The following SPATA6 variants were observed in gnomAD, a reference collection of about 807,000 sequenced individuals.
SPATA6 encodes the protein spermatogenesis associated 6.
In SPATA6, 56 loss-of-function variants were observed where a neutral mutation model predicts 65.3. The observed-to-expected ratio is 0.86, with a 90% CI of 0.69 to 1.07. The LOEUF is 1.07. Ranked by LOEUF, SPATA6 falls within the 50% of genes least tolerant of loss-of-function variation. SPATA6 has a pLI of 0.00. For missense variants in SPATA6, 590 were observed against 594.8 expected, an observed-to-expected ratio of 0.99 and a Z score of 0.08; for synonymous variants, 199 against 213.2, an observed-to-expected ratio of 0.93 and a Z score of 0.58.
At chr1:48,374,245 C>A (rs867656508) in intron 9 of SPATA6, among the ~76,000 whole-genome samples, 1 of 151,228 alleles carries the variant, frequency 6.6e-6, no homozygotes, top group African/African-American at 2.4e-5. Context: ...ACATCTATTA[C>A]AAGATTATCA....
At chr1:48,304,629 C>G (rs1645016863) in intron 12 of SPATA6, among the ~76,000 whole-genome samples, 1 of 152,172 alleles carries the variant, frequency 6.6e-6, no homozygotes, top group African/African-American at 2.4e-5. Context: ...CAGGCGTGAG[C>G]CATTGCACCT....
intron 11 of SPATA6, among the ~76,000 whole-genome samples, chr1:48,341,465 T>C (rs1398329742): frequency 6.6e-6 from 1 of 152,202 alleles, no homozygotes; most frequent in East Asian, 1.9e-4. Context: ...TGCCTATTTG[T>C]CACTAAGCAG....
intron 11 of SPATA6, among the ~76,000 whole-genome samples, chr1:48,344,005 C>T (rs937368375): frequency 2.0e-5 from 3 of 151,876 alleles, no homozygotes; most frequent in Non-Finnish European, 4.4e-5. Flanking sequence ...AAATAGAAAA[C>T]AATAGGTTTA....
chr1:48,395,450 T>A, intron 7 of SPATA6, 96 bp from the exon 8 acceptor site: 1 of 722,162 alleles, frequency 1.4e-6, no homozygotes, highest in East Asian at 3.4e-5. Context: ...ACAGAGAGCA[T>A]ATATAATCAG....
intron 11 of SPATA6, among the ~76,000 whole-genome samples, chr1:48,313,417 A>T (rs1265259196): frequency 6.6e-6 from 1 of 152,172 alleles, no homozygotes; most frequent in African/African-American, 2.4e-5. Context: ...AGAATTTTCA[A>T]CCCAGAATTT....
chr1:48,422,976 A>G (rs1304916772), intron 3 of SPATA6, among the ~76,000 whole-genome samples: 2 of 152,218 alleles, frequency 1.3e-5, no homozygotes, highest in Non-Finnish European at 2.9e-5. Context: ...AATGAATGGT[A>G]GTATACTCAT....
At chr1:48,443,754 G>A (rs915400587) in intron 3 of SPATA6, among the ~76,000 whole-genome samples, 10 of 152,152 alleles carry the variant, frequency 6.6e-5, no homozygotes, top group South Asian at 2.1e-4. Context: ...GGAGTTGGGC[G>A]ACATGACTTC....
At chr1:48,322,060 G>A (rs974265208) in intron 11 of SPATA6, among the ~76,000 whole-genome samples, 3 of 151,806 alleles carry the variant, frequency 2.0e-5, no homozygotes, top group African/African-American at 7.3e-5. Context: ...TTAAAAAGAC[G>A]ACAAGTAGGT....
At chr1:48,364,610 A>G (rs1473205958) in intron 9 of SPATA6, among the ~76,000 whole-genome samples, 7 of 152,092 alleles carry the variant, frequency 4.6e-5, no homozygotes, top group Admixed American at 1.3e-4. Context: ...CTTTTGAGAC[A>G]TGTCTGTTCA....
intron 11 of SPATA6, among the ~76,000 whole-genome samples, chr1:48,343,608 A>G (rs1283237242): frequency 6.6e-6 from 1 of 152,188 alleles, no homozygotes; most frequent in Admixed American, 6.6e-5. Context: ...TGAAAGACAC[A>G]ATATGACTTC....
chr1:48,416,024 G>A (rs1022151147), intron 3 of SPATA6, among the ~76,000 whole-genome samples: 6 of 152,048 alleles, frequency 3.9e-5, no homozygotes, highest in African/African-American at 1.2e-4. Flanking sequence ...GCAACGTGGC[G>A]AAACCCTGTC....
Position 48,451,589 on chromosome 1 carries a change from G to A in SPATA6, c.201C>T (p.Asp67=), listed in dbSNP as rs569555376. 64 of 1,612,254 alleles carry A rather than the reference G, an allele frequency of 4.0e-5. No individual in the cohort carries two copies. Among genetic ancestry groups the A allele is most frequent in the Non-Finnish European group, 4.8e-5 (57 of 1,179,216 alleles). The part of the protein sequence containing the change: ...ARMVFEKVFP[D]AVDPGDVVTQ... ...TAACCACATCTCCAGGATCTACTGC[G>A]TCCGGGAACACCTATAGTGAGACGA... The change falls in exon 3 of 13, where the codon GAC becomes GAT. Residue 67 remains aspartate, a synonymous_variant. Coordinates refer to ENST00000371847, the MANE Select transcript of SPATA6 (RefSeq NM_019073.4).
At chr1:48,311,859 C>T (rs1645221015) in intron 11 of SPATA6, among the ~76,000 whole-genome samples, 1 of 152,182 alleles carries the variant, frequency 6.6e-6, no homozygotes, top group Admixed American at 6.5e-5. Context: ...AAATTCGGGT[C>T]ACTCCCACCC....
intron 3 of SPATA6, among the ~76,000 whole-genome samples, chr1:48,447,187 A>G (rs901702059): frequency 2.0e-5 from 3 of 152,194 alleles, no homozygotes; most frequent in Non-Finnish European, 4.4e-5. Context: ...CTTCTGGTCA[A>G]GAATAGGTTA....
At chr1:48,284,047 C>T in the SPATA6 span, among the ~76,000 whole-genome samples, 1 of 152,004 alleles carries the variant, frequency 6.6e-6, no homozygotes, top group Non-Finnish European at 1.5e-5. Context: ...TCCATTCTCC[C>T]TGTCACTTTC....
chr1:48,466,800 T>C (rs1191378889), intron 1 of SPATA6, among the ~76,000 whole-genome samples: 3 of 151,968 alleles, frequency 2.0e-5, no homozygotes, highest in African/African-American at 7.2e-5. Context: ...AAGATAAATA[T>C]TCAGATGAGT....
intron 3 of SPATA6, among the ~76,000 whole-genome samples, chr1:48,427,434 CAAAA>C (rs760835892): frequency 7.4e-5 from 5 of 67,608 alleles, no homozygotes; most frequent in East Asian, 3.3e-4. Context: ...AAAATTGAGG[CAAAA>C]AAAAAAAAAA....
chr1:48,322,718 T>C (rs1299308207), intron 11 of SPATA6, among the ~76,000 whole-genome samples: 2 of 152,072 alleles, frequency 1.3e-5, no homozygotes, highest in African/African-American at 2.4e-5. Flanking sequence ...TAAACAAATT[T>C]ACAAGAAAAC....
At chr1:48,387,719 G>A (rs1333981039) in intron 8 of SPATA6, among the ~76,000 whole-genome samples, 1 of 152,084 alleles carries the variant, frequency 6.6e-6, no homozygotes, top group Non-Finnish European at 1.5e-5. Flanking sequence ...GCCCAGCCCA[G>A]TCCACCACTA....
Sources: allele counts gnomAD v4.1 joint callset (sites outside exome capture counted in the v4.1 genomes callset), GRCh38; gene constraint gnomAD v4.1.1; transcripts MANE v1.5; gene names NCBI Gene and HGNC (gene_info 2026-07-23, HGNC 2026-07-21).